Variants in SENP8 observed in about 807,000 individuals in gnomAD.
The protein encoded by SENP8 is sentrin-specific protease 8.
SENP8 carries 10 observed loss-of-function variants against 14.4 expected under a neutral mutation model. The ratio of observed to expected loss-of-function variants is 0.69; its 90% CI spans 0.43 to 1.18. The LOEUF (loss-of-function observed/expected upper bound fraction) is 1.18. SENP8 is among the 50% of genes most tolerant of loss of function. The pLI, the probability that SENP8 is intolerant of heterozygous loss-of-function variation, is 0.00. For synonymous variants in SENP8, 94 were observed against 95.5 expected, an observed-to-expected ratio of 0.98 and a Z score of 0.09; for missense variants, 202 against 249.4, an observed-to-expected ratio of 0.81 and a Z score of 1.28.
intron 1 of SENP8, among the ~76,000 whole-genome samples, chr15:72,118,897 A>T (rs1350603072): frequency 1.3e-5 from 2 of 152,228 alleles, no homozygotes; most frequent in African/African-American, 2.4e-5. Flanking sequence ...AGCCCTTTCC[A>T]GGGTGACTTT....
At chr15:72,135,604 G>A (rs1222308655) in intron 1 of SENP8, among the ~76,000 whole-genome samples, 2 of 152,188 alleles carry the variant, frequency 1.3e-5, no homozygotes, top group Non-Finnish European at 2.9e-5. Context: ...TTGGCAAAGG[G>A]TGGGTTTGGC....
At chr15:72,124,783 G>A (rs6494991) in intron 1 of SENP8, among the ~76,000 whole-genome samples, 144,855 of 151,914 alleles carry the variant, frequency 0.95, 69,437 homozygotes, top group East Asian at 1. Flanking sequence ...TATTAAAAAA[G>A]GGGGAAAAAT....
rs1307051781 is a variant in SENP8, at chr15:72,140,445, GGGAGCAAT to G, written c.*184_*191del. ...GAACGTTTCACTTTAACCCTGACTG[GGGAGCAAT>G]ATGTTCTGTGAAAATATCTTGAAAT... On this transcript the variant is annotated 3_prime_UTR_variant, in exon 2 of 2. Coordinates refer to ENST00000340912, the MANE Select transcript of SENP8 (RefSeq NM_145204.4). 1 of 592,914 alleles carries G rather than the reference GGGAGCAAT, an allele frequency of 1.7e-6. No homozygotes were observed. The highest frequency in any genetic ancestry group is 3.0e-6 in the Non-Finnish European group (1 of 328,366). 36.7% of individuals were successfully genotyped at this position (592,914 alleles called of 1,614,324 possible). A position where few individuals can be genotyped will look rare whatever the true frequency, so the allele number is the denominator to read the frequency against.
rs751459772 is a variant in SENP8 at position 72,139,728 on chromosome 15, G to C, written c.105G>C (p.Ala35=). The C allele has an allele frequency of 6.2e-7, 1 of 1,614,036 alleles. No individual in the cohort carries two copies. Among genetic ancestry groups the C allele is most frequent in the African/African-American group, 1.3e-5 (1 of 74,914 alleles). The part of the protein sequence containing the change: ...SWLNDHIIGF[A]FEYFANSQFH... ...TCAATGACCATATTATTGGGTTTGC[G>C]TTTGAGTACTTTGCCAACAGTCAGT... Residue 35 remains alanine (A), a synonymous_variant, in exon 2 of 2, where the codon GCG becomes GCC. Transcript: ENST00000340912.
chr15:72,124,695 A>G (rs937156286), intron 1 of SENP8, among the ~76,000 whole-genome samples: 10 of 152,198 alleles, frequency 6.6e-5, no homozygotes, highest in Admixed American at 3.3e-4. Flanking sequence ...ATTTTATGTC[A>G]TTATAAGAGT....
intron 1 of SENP8, among the ~76,000 whole-genome samples, chr15:72,119,173 G>A (rs1371615314): frequency 6.6e-6 from 1 of 152,172 alleles, no homozygotes; most frequent in Non-Finnish European, 1.5e-5. Flanking sequence ...ACTCAAAAGC[G>A]TACCATGAAA....
chr15:72,122,626 T>C (rs574311029), intron 1 of SENP8, among the ~76,000 whole-genome samples: 5 of 152,216 alleles, frequency 3.3e-5, no homozygotes, highest in Non-Finnish European at 7.3e-5. Context: ...ATAACTAGCC[T>C]ATATTGACTT....
rs2081376366 is a variant in SENP8 at position 72,141,048 on chromosome 15, A to G, written c.*786A>G. 6.0e-6 allele frequency: 1 copy of G among 165,606 alleles called. No homozygotes were observed. Among genetic ancestry groups the G allele is most frequent in the African/African-American group, 2.4e-5 (1 of 41,464 alleles). The allele number at this position is 165,606 out of a possible 1,614,324, so 10.3% of individuals were successfully genotyped here. ...TCTGCCTTGTCTATTAGCCATGCAC[A>G]CACTTCCTCCTTATATCCAAAGTTC... On this transcript the variant is annotated 3_prime_UTR_variant, in exon 2 of 2. Coordinates refer to ENST00000340912, the MANE Select transcript of SENP8 (RefSeq NM_145204.4).
At chr15:72,123,646 T>C (rs1001569582) in intron 1 of SENP8, among the ~76,000 whole-genome samples, 2 of 151,780 alleles carry the variant, frequency 1.3e-5, no homozygotes, top group Non-Finnish European at 1.5e-5. Context: ...GTTCAAGCAA[T>C]TCTCCTGCCT....
intron 1 of SENP8, among the ~76,000 whole-genome samples, chr15:72,120,733 T>C (rs1342182018): frequency 6.6e-6 from 1 of 152,200 alleles, no homozygotes; most frequent in Non-Finnish European, 1.5e-5. Flanking sequence ...TGGCAGCAGG[T>C]CTAATTATAT....
chr15:72,118,898 G>C (rs553303188), intron 1 of SENP8, among the ~76,000 whole-genome samples: 3 of 152,294 alleles, frequency 2.0e-5, no homozygotes, highest in African/African-American at 7.2e-5. Flanking sequence ...GCCCTTTCCA[G>C]GGTGACTTTT....
rs574746422 is a variant in SENP8, at chr15:72,121,376, T to C, written c.-48+2912T>C. 7.2e-4 allele frequency among the ~76,000 whole-genome samples: 110 copies of C among 152,246 alleles called. 1 individual carries two copies. The highest frequency in any genetic ancestry group is 2.6e-3 in the African/African-American group (106 of 41,546). On this transcript the variant is annotated intron_variant, in intron 1 of 1. Coordinates refer to ENST00000340912, the MANE Select transcript of SENP8 (RefSeq NM_145204.4). ...ATCTAGAATAATGTGCAGGTTAGAT[T>C]ATCAAAAGAGAAGATAGGAATGAAG...
At position 72,139,813 on chromosome 15, in the gene SENP8, T is replaced by C; in HGVS notation, c.190T>C (p.Cys64Arg). 6.2e-7 allele frequency: 1 copy of C among 1,614,188 alleles called. No homozygotes were observed. The highest frequency in any genetic ancestry group is 8.5e-7 in the Non-Finnish European group (1 of 1,180,032). The change falls in exon 2 of 2, where the codon TGC becomes CGC. Residue 64 changes from cysteine to arginine, a missense_variant. Cys to Arg is a radical substitution (Grantham distance 180, BLOSUM62 -3). Coordinates refer to ENST00000340912, the MANE Select transcript of SENP8 (RefSeq NM_145204.4). Reference protein sequence around the residue: ...ISPEVTQFIKCTSNPAEIAMF... With the variant: ...ISPEVTQFIKRTSNPAEIAMF... ...CCCTGAAGTCACCCAGTTCATCAAG[T>C]GCACTAGCAACCCAGCAGAGATTGC...
rs1567072366 is a variant in SENP8 at position 72,140,175 on chromosome 15, A to G, written c.552A>G (p.Glu184=). 11 of 1,614,006 alleles carry G rather than the reference A, an allele frequency of 6.8e-6. No homozygotes were observed. The highest frequency in any genetic ancestry group is 9.3e-6 in the Non-Finnish European group (11 of 1,179,978). The change falls in exon 2 of 2, where the codon GAA becomes GAG. Residue 184 remains glutamate, a synonymous_variant. Coordinates refer to ENST00000340912, the MANE Select transcript of SENP8 (RefSeq NM_145204.4). ...AGAACTTCTTTAGGCAACAGACAGAATCACTGCTGCAGCTACTCACCCCTG... is the reference window on the plus strand; with the variant it reads ...AGAACTTCTTTAGGCAACAGACAGAGTCACTGCTGCAGCTACTCACCCCTG... ...LCQNFFRQQT[E]SLLQLLTPAY...
upstream of SENP8, chr15:72,117,744 C>G (rs1470454073): frequency 2.5e-6 from 1 of 397,820 alleles, no homozygotes; most frequent in African/African-American, 2.1e-5. Context: ...CTTCCACCCT[C>G]CGCCCCAGGG....
rs1187648354 is a variant in SENP8, at chr15:72,140,095, C to T, written c.472C>T (p.Gln158Ter). The T allele has an allele frequency of 6.2e-7, 1 of 1,614,140 alleles. No homozygotes were observed. The highest frequency in any genetic ancestry group is 8.5e-7 in the Non-Finnish European group (1 of 1,180,034). The change falls in exon 2 of 2, where the codon CAA (glutamine) becomes TAA (stop). Residue 158 changes from glutamine (Q) to a stop codon, truncating the protein, a stop_gained. Coordinates refer to ENST00000340912, the MANE Select transcript of SENP8 (RefSeq NM_145204.4). LOFTEE classifies it high-confidence loss of function. ...AFVEEKAPAQ[Q>*]NSYDCGMYVI... is the part of the protein sequence containing the mutation. ...TGTGGAAGAGAAAGCCCCTGCCCAA[C>T]AAAACAGCTATGACTGTGGGATGTA...
chr15:72,118,137 G>T (rs2081075488), upstream of SENP8: 1 of 378,224 alleles, frequency 2.6e-6, no homozygotes, highest in Non-Finnish European at 4.7e-6. Context: ...CTGCAGGCGA[G>T]CAGGCGCGCG....
intron 1 of SENP8, among the ~76,000 whole-genome samples, chr15:72,137,601 T>G (rs535498503): frequency 6.6e-6 from 1 of 152,282 alleles, no homozygotes; most frequent in East Asian, 1.9e-4. Flanking sequence ...AAAATTACAG[T>G]TCCTTTTAAC....
intron 1 of SENP8, among the ~76,000 whole-genome samples, chr15:72,120,932 C>T (rs1056177758): frequency 1.3e-5 from 2 of 152,134 alleles, no homozygotes; most frequent in African/African-American, 4.8e-5. Flanking sequence ...AATTGTTTTC[C>T]CAGTCTAAGT....
Sources: allele counts gnomAD v4.1 joint callset (sites outside exome capture counted in the v4.1 genomes callset), GRCh38; gene constraint gnomAD v4.1.1; transcripts MANE v1.5; gene names NCBI Gene and HGNC (gene_info 2026-07-23, HGNC 2026-07-21).